The following ANK1 variants were observed in gnomAD, a reference collection of about 807,000 sequenced individuals.
ANK1 encodes the protein ankyrin-1.
A neutral mutation model predicts 210.4 loss-of-function variants in ANK1; 51 were observed. The observed-to-expected ratio is 0.24, with a 90% CI of 0.19 to 0.31. The LOEUF (loss-of-function observed/expected upper bound fraction) is 0.31, where lower values mean the gene tolerates loss of function less well. Ranked by LOEUF, ANK1 falls within the 10% of genes least tolerant of loss-of-function variation. The pLI, the probability that ANK1 is intolerant of heterozygous loss-of-function variation, is 1.00. For missense variants in ANK1, 2,051 were observed against 2,504.4 expected (o/e 0.82, Z 3.86); for synonymous variants, 967 against 1,025.9 (o/e 0.94, Z 1.10).
At chr8:41,872,347 C>T (rs776264553) in intron 1 of ANK1, among the ~76,000 whole-genome samples, 9 of 152,348 alleles carry the variant, frequency 5.9e-5, no homozygotes, top group Admixed American at 2.6e-4. Flanking sequence ...CACTTCCTGC[C>T]GGGCCCTAAG....
intron 1 of ANK1, among the ~76,000 whole-genome samples, chr8:41,759,202 A>G (rs1839884776): frequency 6.6e-6 from 1 of 152,180 alleles, no homozygotes; most frequent in Non-Finnish European, 1.5e-5. Flanking sequence ...AACAATACTA[A>G]AATAAAAAGT....
intron 1 of ANK1, among the ~76,000 whole-genome samples, chr8:41,787,492 G>T (rs749489297): frequency 6.6e-6 from 1 of 152,120 alleles, no homozygotes; most frequent in Non-Finnish European, 1.5e-5. Context: ...GAGAGATAAG[G>T]AACTGGAAAA....
chr8:41,782,761 C>G (rs905535644), intron 1 of ANK1, among the ~76,000 whole-genome samples: 1 of 152,112 alleles, frequency 6.6e-6, no homozygotes, highest in Non-Finnish European at 1.5e-5. Context: ...ATCACCTATG[C>G]GAAACTAAGT....
At chr8:41,727,791 C>G (rs745526370) in intron 4 of ANK1, 117 bp downstream of exon 4, 11 of 951,428 alleles carry the variant, frequency 1.2e-5, no homozygotes, top group Non-Finnish European at 1.9e-5. Context: ...AAATCTAGGC[C>G]CTGCCCCACA....
intron 1 of ANK1, among the ~76,000 whole-genome samples, chr8:41,805,046 C>T (rs747632382): frequency 6.7e-6 from 1 of 149,824 alleles, no homozygotes; most frequent in Non-Finnish European, 1.5e-5. Context: ...TCCCATAGAG[C>T]TGTTTCTTTC....
chr8:41,676,967 A>C (rs545936), intron 37 of ANK1, among the ~76,000 whole-genome samples: 1 of 152,110 alleles, frequency 6.6e-6, no homozygotes, highest in African/African-American at 2.4e-5. Context: ...CAGTGAAGCC[A>C]TCTGGGCATG....
chr8:41,764,167 AT>A (rs36111986), intron 1 of ANK1, among the ~76,000 whole-genome samples: 95,268 of 151,826 alleles, frequency 0.63, 30,897 homozygotes, highest in Middle Eastern at 0.76. Flanking sequence ...GGTCATGTGC[AT>A]TGCATGCACC....
At chr8:41,724,240 G>A (rs1297653088) in intron 7 of ANK1, among the ~76,000 whole-genome samples, 3 of 152,208 alleles carry the variant, frequency 2.0e-5, no homozygotes, top group Non-Finnish European at 4.4e-5. Context: ...CCATTTTTAG[G>A]ATGGGCAAAT....
At chr8:41,719,314 G>A (rs889023267) in intron 10 of ANK1, among the ~76,000 whole-genome samples, 1 of 152,122 alleles carries the variant, frequency 6.6e-6, no homozygotes, top group African/African-American at 2.4e-5. Context: ...AGCCTCTAAG[G>A]AATCACTCAG....
At chr8:41,884,032 C>T (rs533650923) in intron 1 of ANK1, among the ~76,000 whole-genome samples, 2 of 152,322 alleles carry the variant, frequency 1.3e-5, no homozygotes, top group South Asian at 2.1e-4. Context: ...CATTTCCTCA[C>T]GGAGTTGCTC....
chr8:41,791,140 G>A (rs958682044), intron 1 of ANK1, among the ~76,000 whole-genome samples: 6 of 151,442 alleles, frequency 4.0e-5, no homozygotes, highest in Non-Finnish European at 8.8e-5. Flanking sequence ...CCTAGGTGTG[G>A]AGAAGGGCTG....
At chr8:41,838,150 C>T (rs907770168) in intron 1 of ANK1, among the ~76,000 whole-genome samples, 6 of 152,292 alleles carry the variant, frequency 3.9e-5, no homozygotes, top group Middle Eastern at 3.4e-3. Context: ...GACACCCATC[C>T]CCTCACTTTA....
chr8:41,752,687 G>A (rs1195994113), intron 2 of ANK1, among the ~76,000 whole-genome samples: 1 of 151,730 alleles, frequency 6.6e-6, no homozygotes, highest in East Asian at 1.9e-4. Context: ...CTTCCCCTCA[G>A]TGCCCCATCC....
chr8:41,837,169 T>C (rs1038848919), intron 1 of ANK1, among the ~76,000 whole-genome samples: 5 of 152,102 alleles, frequency 3.3e-5, no homozygotes, highest in African/African-American at 1.2e-4. Flanking sequence ...TCTCACAGAG[T>C]AATTTTAAGT....
At chr8:41,846,940 G>A (rs1419962572) in intron 1 of ANK1, among the ~76,000 whole-genome samples, 2 of 152,032 alleles carry the variant, frequency 1.3e-5, no homozygotes, top group East Asian at 3.9e-4. Context: ...CGAACACCTC[G>A]GCCTGCCACT....
rs114661793 is a variant in ANK1 at position 41,774,236 on chromosome 8, G to T, written c.28-16099C>A. ...CCTGAGCAGAACATGATGCAGTTTT[G>T]TGCCCCATGTCAACCAGGTAGGAGC... is the stretch of plus-strand genomic sequence containing the variant. On this transcript the variant is annotated intron_variant, in intron 1 of 42. Coordinates refer to ENST00000289734, the MANE Select transcript of ANK1 (RefSeq NM_000037.4). 1.8e-3 allele frequency among the ~76,000 whole-genome samples: 275 copies of T among 152,244 alleles called. 2 individuals are homozygous for T. Among genetic ancestry groups the T allele is most frequent in the African/African-American group, 6.3e-3 (262 of 41,526 alleles).
At position 41,701,539 on chromosome 8, in the gene ANK1, C is replaced by T. The variant is rs764366063; in HGVS notation, c.2461+11G>A. ...GTCCCCACCAGCCTGAGCTCTTTAC[C>T]CCAACGTTACCTTCATCTTCCGAGA... On this transcript the variant is annotated intron_variant, in intron 22 of 42. Coordinates refer to ENST00000289734, the MANE Select transcript of ANK1 (RefSeq NM_000037.4). 1.1e-5 allele frequency: 17 copies of T among 1,614,014 alleles called. No homozygotes were observed. Among genetic ancestry groups the T allele is most frequent in the Non-Finnish European group, 1.3e-5 (15 of 1,179,936 alleles).
intron 33 of ANK1, among the ~76,000 whole-genome samples, chr8:41,689,980 A>G (rs1408485622): frequency 6.6e-6 from 1 of 152,142 alleles, no homozygotes. Flanking sequence ...ATCTGATACC[A>G]ACATTTGTTC....
intron 1 of ANK1, among the ~76,000 whole-genome samples, chr8:41,850,357 A>G (rs1246138346): frequency 1.3e-5 from 2 of 152,168 alleles, no homozygotes; most frequent in Non-Finnish European, 2.9e-5. Flanking sequence ...TTTAAAATCA[A>G]AAGTTGTTTC....
Sources: gnomAD v4.1 joint callset for allele counts (sites outside exome capture counted in the v4.1 genomes callset) on GRCh38, gnomAD v4.1.1 for gene constraint, MANE v1.5 for transcripts, NCBI Gene and HGNC (gene_info 2026-07-23, HGNC 2026-07-21) for gene names.